AGBL4: variants seen among roughly 807,000 people sequenced by gnomAD.
AGBL4 encodes AGBL carboxypeptidase 4.
A neutral mutation model predicts 66.4 loss-of-function variants in AGBL4; 58 were observed. The ratio of observed to expected loss-of-function variants is 0.87; its 90% CI spans 0.71 to 1.09. The LOEUF (loss-of-function observed/expected upper bound fraction) is 1.09, where lower values mean the gene tolerates loss of function less well. Among genes scored for constraint, AGBL4 ranks in the 50% least tolerant of loss-of-function variants. The pLI is 0.00. For synonymous variants in AGBL4, 234 were observed against 222.9 expected, an observed-to-expected ratio of 1.05 and a Z score of -0.44; for missense variants, 579 against 631.0, an observed-to-expected ratio of 0.92 and a Z score of 0.88.
intron 1 of AGBL4, among the ~76,000 whole-genome samples, chr1:49,974,372 T>C (rs1041492657): frequency 3.3e-5 from 5 of 152,166 alleles, no homozygotes; most frequent in Non-Finnish European, 7.4e-5. Flanking sequence ...AGGAAATGTT[T>C]AGCAGCAATG....
intron 11 of AGBL4, among the ~76,000 whole-genome samples, chr1:48,566,786 T>G: frequency 6.6e-6 from 1 of 152,158 alleles, no homozygotes; most frequent in Non-Finnish European, 1.5e-5. Context: ...AAAGTAACAT[T>G]GGCTCTTCCC....
intron 6 of AGBL4, among the ~76,000 whole-genome samples, chr1:48,678,057 C>T (rs1273723325): frequency 6.6e-6 from 1 of 152,194 alleles, no homozygotes; most frequent in Admixed American, 6.5e-5. Context: ...GTTGGCTGTG[C>T]TGCCGAAGTA....
intron 2 of AGBL4, chr1:49,841,676 A>T: frequency 4.5e-6 from 1 of 221,426 alleles, no homozygotes; most frequent in Middle Eastern, 1.6e-3. Context: ...TAGAAAATAG[A>T]GGCAGAAGAA....
intron 6 of AGBL4, among the ~76,000 whole-genome samples, chr1:48,750,609 G>A (rs773851016): frequency 2.6e-5 from 4 of 152,178 alleles, no homozygotes; most frequent in Non-Finnish European, 4.4e-5. Context: ...GGCAAGGGGG[G>A]CTTAACAATT....
chr1:49,514,374 A>G (rs568194776), intron 3 of AGBL4, among the ~76,000 whole-genome samples: 21 of 151,988 alleles, frequency 1.4e-4, no homozygotes, highest in Non-Finnish European at 2.9e-4. Context: ...CCACTGCTCA[A>G]TGAAATAAAA....
At chr1:49,736,757 C>T (rs1350200707) in intron 2 of AGBL4, among the ~76,000 whole-genome samples, 1 of 151,596 alleles carries the variant, frequency 6.6e-6, no homozygotes. Flanking sequence ...AAGATACTTG[C>T]AAACTATGCA....
rs375996428 is a variant in AGBL4, at chr1:48,684,692, C to G, written c.635-21451G>C. On this transcript the variant is annotated intron_variant, in intron 6 of 13. Transcript: ENST00000371839. ...GGGTGGCCTAAAAGGCATCAGACACCAGGGTTAATCCAAAAATAAAAACTT... is the reference window on the plus strand; with the variant it reads ...GGGTGGCCTAAAAGGCATCAGACACGAGGGTTAATCCAAAAATAAAAACTT... Among the ~76,000 whole-genome samples, 29 of 152,066 alleles carry G rather than the reference C, an allele frequency of 1.9e-4. No individual in the cohort carries two copies. In the East Asian group the frequency reaches 2.9e-3, roughly 15 times the overall value.
chr1:49,830,921 T>C (rs1206365649), intron 2 of AGBL4, among the ~76,000 whole-genome samples: 1 of 152,174 alleles, frequency 6.6e-6, no homozygotes, highest in Non-Finnish European at 1.5e-5. Context: ...TGGTTGTAGA[T>C]GTGTGGTGTT....
chr1:48,731,863 G>A (rs180934311), intron 6 of AGBL4, among the ~76,000 whole-genome samples: 2 of 152,282 alleles, frequency 1.3e-5, no homozygotes, highest in Middle Eastern at 3.4e-3. Flanking sequence ...ATTCTGAACA[G>A]GCTGTGACTG....
chr1:49,531,374 T>C (rs1277447061), intron 3 of AGBL4, among the ~76,000 whole-genome samples: 1 of 152,136 alleles, frequency 6.6e-6, no homozygotes, highest in Non-Finnish European at 1.5e-5. Context: ...GGGCATTCTA[T>C]GATGTCTCTA....
intron 5 of AGBL4, among the ~76,000 whole-genome samples, chr1:48,912,635 T>C (rs1242868578): frequency 6.6e-6 from 1 of 152,168 alleles, no homozygotes; most frequent in Non-Finnish European, 1.5e-5. Context: ...CTCACTGCCA[T>C]TGCACCATTT....
At chr1:49,510,601 G>C (rs1649135632) in intron 3 of AGBL4, among the ~76,000 whole-genome samples, 3 of 151,264 alleles carry the variant, frequency 2.0e-5, no homozygotes, top group Non-Finnish European at 3.0e-5. Context: ...GATCCCATTT[G>C]TCAATTTTGT....
intron 4 of AGBL4, among the ~76,000 whole-genome samples, chr1:49,239,079 T>C (rs1017015141): frequency 6.6e-6 from 1 of 152,190 alleles, no homozygotes; most frequent in African/African-American, 2.4e-5. Context: ...ACCTTTTCTT[T>C]TTAATGCAGA....
At chr1:49,270,296 T>C (rs891775150) in intron 3 of AGBL4, among the ~76,000 whole-genome samples, 2 of 152,190 alleles carry the variant, frequency 1.3e-5, no homozygotes, top group African/African-American at 4.8e-5. Context: ...CCTTGAAAGC[T>C]TCCTTGTGAC....
intron 4 of AGBL4, among the ~76,000 whole-genome samples, chr1:49,166,000 C>A (rs2148150784): frequency 6.6e-6 from 1 of 152,158 alleles, no homozygotes. Flanking sequence ...AGATTCTGGA[C>A]CCTTTCAAGA....
intron 11 of AGBL4, among the ~76,000 whole-genome samples, chr1:48,558,537 G>A (rs565576524): frequency 5.9e-5 from 9 of 152,310 alleles, no homozygotes; most frequent in East Asian, 1.9e-4. Flanking sequence ...GATTAGTGAC[G>A]TATGGCATAT....
intron 2 of AGBL4, among the ~76,000 whole-genome samples, chr1:49,792,403 T>C (rs1039648421): frequency 6.6e-6 from 1 of 152,034 alleles, no homozygotes; most frequent in East Asian, 1.9e-4. Flanking sequence ...CAGGAGCAAA[T>C]TATAGATTAT....
At chr1:49,249,969 G>T (rs1651920324) in intron 3 of AGBL4, among the ~76,000 whole-genome samples, 1 of 152,168 alleles carries the variant, frequency 6.6e-6, no homozygotes, top group South Asian at 2.1e-4. Context: ...AAACAATCCA[G>T]GCATAGAAAG....
intron 3 of AGBL4, among the ~76,000 whole-genome samples, chr1:49,422,176 A>G (rs910983877): frequency 6.6e-6 from 1 of 152,186 alleles, no homozygotes; most frequent in East Asian, 1.9e-4. Context: ...CAGGCACAAA[A>G]AATTATGAGA....
Sources: allele counts gnomAD v4.1 joint callset (sites outside exome capture counted in the v4.1 genomes callset), GRCh38; gene constraint gnomAD v4.1.1; transcripts MANE v1.5; gene names NCBI Gene and HGNC (gene_info 2026-07-23, HGNC 2026-07-21).